Variants in TPST1 observed in about 807,000 individuals in gnomAD.
TPST1 encodes the protein tyrosylprotein sulfotransferase 1.
A neutral mutation model predicts 34.8 loss-of-function variants in TPST1; 20 were observed. The observed-to-expected ratio is 0.57, with a 90% CI of 0.40 to 0.84. TPST1 has a LOEUF of 0.84. Ranked by LOEUF, TPST1 falls within the 40% of genes least tolerant of loss-of-function variation. The probability of loss-of-function intolerance (pLI) is 0.00; values close to 1 mark genes in which losing one functional copy is unlikely to be tolerated. For missense variants in TPST1, 353 were observed against 455.5 expected, an observed-to-expected ratio of 0.78 and a Z score of 2.05; for synonymous variants, 152 against 159.4, an observed-to-expected ratio of 0.95 and a Z score of 0.35.
chr7:66,309,380 A>C (rs1383499319), intron 3 of TPST1, among the ~76,000 whole-genome samples: 1 of 152,180 alleles, frequency 6.6e-6, no homozygotes, highest in Non-Finnish European at 1.5e-5. Flanking sequence ...TATATTGATA[A>C]ATTTGACCAA....
intron 3 of TPST1, among the ~76,000 whole-genome samples, chr7:66,328,859 GCT>G (rs755431410): frequency 0.013 from 234 of 18,404 alleles, 8 homozygotes; most frequent in East Asian, 0.059. Flanking sequence ...TCTCTCTCCC[GCT>G]CTCTCTCTCT....
intron 1 of TPST1, among the ~76,000 whole-genome samples, chr7:66,239,124 A>G (rs143871664): frequency 2.6e-5 from 4 of 152,332 alleles, no homozygotes; most frequent in African/African-American, 9.6e-5. Context: ...TTTGCACACA[A>G]GTTCCTTTGG....
rs372713692 is a variant in TPST1, at chr7:66,223,132, A to G, written c.-101-17193A>G. On this transcript the variant is annotated intron_variant, in intron 1 of 5. Coordinates refer to ENST00000304842, the MANE Select transcript of TPST1 (RefSeq NM_003596.4). ...TGCCATCTTCTCTTCTACTTTTTCTATTCAGTTACTTTTCATTCTAAAGGT... is the reference window on the plus strand; with the variant it reads ...TGCCATCTTCTCTTCTACTTTTTCTGTTCAGTTACTTTTCATTCTAAAGGT... Among the ~76,000 whole-genome samples, 52 of 151,922 alleles carry G rather than the reference A, an allele frequency of 3.4e-4. No individual in the cohort carries two copies. The East Asian group carries it at 9.3e-3, about 27-fold the overall frequency.
At chr7:66,357,717 T>G (rs1449117025) in intron 5 of TPST1, among the ~76,000 whole-genome samples, 1 of 152,192 alleles carries the variant, frequency 6.6e-6, no homozygotes, top group Admixed American at 6.5e-5. Context: ...CCACCCAAAC[T>G]TTCTTAAGAT....
chr7:66,265,292 G>C lies in TPST1; in HGVS notation c.846-21219G>C, dbSNP rs941277275. 3.9e-5 allele frequency among the ~76,000 whole-genome samples: 6 copies of C among 152,318 alleles called. No homozygotes were observed. In the South Asian group the frequency reaches 1.2e-3, roughly 32 times the overall value. ...GGGCCAGGTGCAGTGGCTCATGCCTGTAATCCCAGAACTTTGGGAGACCAA... is the reference window on the plus strand; with the variant it reads ...GGGCCAGGTGCAGTGGCTCATGCCTCTAATCCCAGAACTTTGGGAGACCAA... On this transcript the variant is annotated intron_variant, in intron 2 of 5. Coordinates refer to ENST00000304842, the MANE Select transcript of TPST1 (RefSeq NM_003596.4).
chr7:66,234,608 G>A (rs1381682523), intron 1 of TPST1, among the ~76,000 whole-genome samples: 1 of 152,010 alleles, frequency 6.6e-6, no homozygotes, highest in African/African-American at 2.4e-5. Flanking sequence ...CATTTGTTTT[G>A]CTCTATGGAT....
chr7:66,212,268 A>G (rs551050461), intron 1 of TPST1, among the ~76,000 whole-genome samples: 4 of 152,330 alleles, frequency 2.6e-5, no homozygotes, highest in African/African-American at 9.6e-5. Context: ...GAACAGTGGC[A>G]TAACAATTTC....
At chr7:66,227,831 T>A (rs955125682) in intron 1 of TPST1, among the ~76,000 whole-genome samples, 3 of 152,080 alleles carry the variant, frequency 2.0e-5, no homozygotes, top group East Asian at 1.9e-4. Flanking sequence ...CTCCCTTACC[T>A]AACAATTCCT....
chr7:66,312,541 A>C (rs567919505), intron 3 of TPST1, among the ~76,000 whole-genome samples: 69 of 152,312 alleles, frequency 4.5e-4, no homozygotes, highest in Admixed American at 7.9e-4. Context: ...GCCTGATATA[A>C]TTTCTCCAAT....
At chr7:66,352,419 C>T (rs527741668) in intron 3 of TPST1, 86 bp from the exon 4 acceptor site, 27 of 1,548,980 alleles carry the variant, frequency 1.7e-5, no homozygotes, top group Non-Finnish European at 2.3e-5. Flanking sequence ...AGCAGTAAAC[C>T]CGGCCACGGT....
chr7:66,265,072 A>G (rs1790564209), intron 2 of TPST1, among the ~76,000 whole-genome samples: 1 of 152,198 alleles, frequency 6.6e-6, no homozygotes, highest in African/African-American at 2.4e-5. Context: ...TTGAACAGGA[A>G]GAAGAAAGAA....
rs183794148 is a variant in TPST1, at chr7:66,215,726, G to C, written c.-102+10204G>C. Among the ~76,000 whole-genome samples, 5 of 149,024 alleles carry C rather than the reference G, an allele frequency of 3.4e-5. No individual in the cohort carries two copies. In the East Asian group the frequency reaches 7.9e-4, roughly 24 times the overall value. On this transcript the variant is annotated intron_variant, in intron 1 of 5. Transcript: ENST00000304842. The stretch of plus-strand genomic sequence containing the variant: ...GTGTCAATTTTTTTTTTTAACTTTT[G>C]ATAGAATTTACTAGTGAAGCCATCT...
chr7:66,311,477 G>A (rs1791530805), intron 3 of TPST1, among the ~76,000 whole-genome samples: 1 of 152,090 alleles, frequency 6.6e-6, no homozygotes, highest in African/African-American at 2.4e-5. Context: ...ATTGATTCCT[G>A]CAGGCATTCT....
At chr7:66,246,179 A>ATT (rs35051150) in intron 2 of TPST1, among the ~76,000 whole-genome samples, 3,322 of 92,168 alleles carry the variant, frequency 0.036, 312 homozygotes, top group East Asian at 0.086. Flanking sequence ...TGCCTGGCTA[A>ATT]TTTTTTTTTT....
intron 1 of TPST1, among the ~76,000 whole-genome samples, chr7:66,239,675 A>G (rs188815179): frequency 2.4e-4 from 37 of 152,344 alleles, no homozygotes; most frequent in Admixed American, 1.8e-3. Flanking sequence ...GACTCCAGAC[A>G]TTCTTGGGCT....
chr7:66,339,467 A>AT (rs762593695), intron 3 of TPST1, among the ~76,000 whole-genome samples: 2 of 152,124 alleles, frequency 1.3e-5, no homozygotes, highest in Admixed American at 6.5e-5. Flanking sequence ...CAAAACAAAA[A>AT]TTTTTTTGGA....
chr7:66,306,141 GTCTC>G (rs144444657), intron 3 of TPST1, among the ~76,000 whole-genome samples: 4 of 149,914 alleles, frequency 2.7e-5, no homozygotes, highest in Non-Finnish European at 4.5e-5. Flanking sequence ...GAGTGTGCAC[GTCTC>G]TCTCTCTCTC....
chr7:66,340,647 C>CA lies in TPST1; in HGVS notation c.1045-11850dup, dbSNP rs942620326. On this transcript the variant is annotated intron_variant, in intron 3 of 5. Coordinates refer to ENST00000304842, the MANE Select transcript of TPST1 (RefSeq NM_003596.4). Reference sequence around the variant, plus strand: ...AAAAGCAATCCCATTTACATAGCTACAAAAAAAATAAAATACCTAGGCATG... The same window carrying CA: ...AAAAGCAATCCCATTTACATAGCTACAAAAAAAAATAAAATACCTAGGCATG... Among the ~76,000 whole-genome samples, 18 of 151,428 alleles carry CA rather than the reference C, an allele frequency of 1.2e-4. No individual in the cohort carries two copies. In the South Asian group the frequency reaches 1.2e-3, roughly 11 times the overall value.
At chr7:66,348,677 C>G (rs1041476541) in intron 3 of TPST1, among the ~76,000 whole-genome samples, 12 of 152,170 alleles carry the variant, frequency 7.9e-5, no homozygotes, top group African/African-American at 2.9e-4. Context: ...AAGGAAATTC[C>G]ATTTCTAGCT....
Sources: allele counts gnomAD v4.1 joint callset (sites outside exome capture counted in the v4.1 genomes callset), GRCh38; gene constraint gnomAD v4.1.1; transcripts MANE v1.5; gene names NCBI Gene and HGNC (gene_info 2026-07-23, HGNC 2026-07-21).